Variants in ITPR1 observed in about 807,000 individuals in gnomAD.
ITPR1 encodes the protein inositol 1,4,5-trisphosphate-gated calcium channel ITPR1.
ITPR1 carries 96 observed loss-of-function variants against 318.4 expected under a neutral mutation model. That is an observed-to-expected ratio of 0.30 (90% confidence interval 0.26 to 0.36). The LOEUF (loss-of-function observed/expected upper bound fraction) is 0.36. Ranked by LOEUF, ITPR1 falls within the 10% of genes least tolerant of loss-of-function variation. The pLI, the probability that ITPR1 is intolerant of heterozygous loss-of-function variation, is 1.00. For synonymous variants in ITPR1, 1,312 were observed against 1,289.9 expected (o/e 1.02, Z -0.37); for missense variants, 2,440 against 3,460.2 (o/e 0.71, Z 7.40).
intron 4 of ITPR1, among the ~76,000 whole-genome samples, chr3:4,523,854 G>A (rs2082757280): frequency 6.6e-6 from 1 of 152,196 alleles, no homozygotes; most frequent in African/African-American, 2.4e-5. Context: ...GGTGCCTGGT[G>A]CTTGGATGTA....
chr3:4,731,605 CATCCCA>C (rs1362981210), intron 42 of ITPR1, among the ~76,000 whole-genome samples: 1 of 152,136 alleles, frequency 6.6e-6, no homozygotes, highest in Admixed American at 6.5e-5. Flanking sequence ...CTGTTTATCC[CATCCCA>C]ATCTGTCCCT....
At chr3:4,835,690 CCT>C (rs1452265241) in intron 60 of ITPR1, among the ~76,000 whole-genome samples, 1 of 152,142 alleles carries the variant, frequency 6.6e-6, no homozygotes. Context: ...TTTTCTTCCC[CCT>C]GTCTCATGCT....
intron 60 of ITPR1, among the ~76,000 whole-genome samples, chr3:4,823,845 AAC>A (rs2049886244): frequency 6.6e-6 from 1 of 152,210 alleles, no homozygotes. Flanking sequence ...ATATACATGT[AAC>A]ACAATTTCAT....
At chr3:4,633,302 T>A (rs1218395868) in intron 5 of ITPR1, among the ~76,000 whole-genome samples, 1 of 152,190 alleles carries the variant, frequency 6.6e-6, no homozygotes, top group East Asian at 1.9e-4. Flanking sequence ...TAGCTGGAAC[T>A]TTTCCCCCTA....
At chr3:4,730,869 G>T (rs956326092) in intron 42 of ITPR1, among the ~76,000 whole-genome samples, 1 of 152,056 alleles carries the variant, frequency 6.6e-6, no homozygotes, top group Non-Finnish European at 1.5e-5. Context: ...TCAGATTCCC[G>T]TTGCGATGGC....
intron 55 of ITPR1, among the ~76,000 whole-genome samples, chr3:4,808,483 C>T (rs1270980207): frequency 1.3e-5 from 2 of 152,224 alleles, no homozygotes. Context: ...TAACTCTCAG[C>T]TTCTGATCAT....
intron 4 of ITPR1, among the ~76,000 whole-genome samples, chr3:4,602,403 C>T (rs1472429409): frequency 1.3e-5 from 2 of 151,890 alleles, no homozygotes; most frequent in Non-Finnish European, 2.9e-5. Flanking sequence ...TGGTGTGCAC[C>T]TGTAGTCCCA....
At chr3:4,772,560 C>T (rs1278020104) in intron 46 of ITPR1, among the ~76,000 whole-genome samples, 1 of 152,206 alleles carries the variant, frequency 6.6e-6, no homozygotes, top group Non-Finnish European at 1.5e-5. Flanking sequence ...TTGCTTTTCC[C>T]CTGGGGTAAT....
intron 60 of ITPR1, among the ~76,000 whole-genome samples, chr3:4,829,849 T>C (rs2050327626): frequency 6.8e-6 from 1 of 147,908 alleles, no homozygotes; most frequent in Non-Finnish European, 1.5e-5. Flanking sequence ...ACCTCCTATT[T>C]ATCACTCCCT....
At chr3:4,687,639 C>T (rs1036516398) in intron 30 of ITPR1, among the ~76,000 whole-genome samples, 3 of 152,124 alleles carry the variant, frequency 2.0e-5, no homozygotes, top group African/African-American at 4.8e-5. Context: ...TGTTTTTACT[C>T]TCTTAAATGT....
In ITPR1 at chr3:4,755,056, G is replaced by A. The variant is rs147237230; in HGVS notation, c.5545-11474G>A. On this transcript the variant is annotated intron_variant, in intron 44 of 61. Coordinates refer to ENST00000649015, the MANE Select transcript of ITPR1 (RefSeq NM_001378452.1). Reference sequence around the variant, plus strand: ...GGTCAGAGCCACAGGGTCCTCCAGGGTGGTGGCTGACCTGCTTCTCTGAAA... The same window carrying A: ...GGTCAGAGCCACAGGGTCCTCCAGGATGGTGGCTGACCTGCTTCTCTGAAA... Among the ~76,000 whole-genome samples, 1,312 of 152,318 alleles carry A rather than the reference G, an allele frequency of 8.6e-3. 6 individuals are homozygous for A. Among genetic ancestry groups the A allele is most frequent in the Middle Eastern group, 0.014 (4 of 294 alleles).
At chr3:4,678,105 G>A (rs947901957) in intron 24 of ITPR1, among the ~76,000 whole-genome samples, 4 of 152,006 alleles carry the variant, frequency 2.6e-5, no homozygotes, top group African/African-American at 9.7e-5. Flanking sequence ...TTTAAGATCT[G>A]GGGGTTTTAT....
chr3:4,705,658 G>C (rs776266196), intron 36 of ITPR1, among the ~76,000 whole-genome samples: 2 of 152,176 alleles, frequency 1.3e-5, no homozygotes, highest in Non-Finnish European at 2.9e-5. Flanking sequence ...TTAGACTGGA[G>C]TTCTCCTTTT....
intron 6 of ITPR1, among the ~76,000 whole-genome samples, 193 bp from the exon 7 acceptor site, chr3:4,641,900 C>T (rs886543253): frequency 6.6e-6 from 1 of 152,206 alleles, no homozygotes; most frequent in Admixed American, 6.5e-5. Context: ...GTATTCTGCC[C>T]TCTCTTTCTG....
intron 42 of ITPR1, among the ~76,000 whole-genome samples, chr3:4,730,944 A>G (rs939093843): frequency 3.9e-5 from 6 of 152,174 alleles, no homozygotes; most frequent in African/African-American, 1.4e-4. Context: ...CGCTCAAACA[A>G]TGTTCTCACA....
intron 4 of ITPR1, among the ~76,000 whole-genome samples, chr3:4,576,659 C>T (rs1236395849): frequency 2.6e-5 from 4 of 152,166 alleles, no homozygotes; most frequent in Non-Finnish European, 4.4e-5. Flanking sequence ...CAATGGAGCC[C>T]GTTATCCGTG....
intron 4 of ITPR1, 66 bp downstream of exon 4, chr3:4,521,160 GGTGT>G: frequency 3.7e-6 from 4 of 1,067,736 alleles, no homozygotes; most frequent in Non-Finnish European, 5.8e-6. Context: ...GTGTGTTGTT[GGTGT>G]GTGTGTGTGT....
At chr3:4,543,203 A>C (rs1263995923) in intron 4 of ITPR1, among the ~76,000 whole-genome samples, 1 of 151,802 alleles carries the variant, frequency 6.6e-6, no homozygotes, top group East Asian at 1.9e-4. Context: ...CCAAGGCTGC[A>C]GTGAGCTGTG....
rs370836692 is a variant in ITPR1, at chr3:4,753,844, C to G, written c.5545-12686C>G. On this transcript the variant is annotated intron_variant, in intron 44 of 61. Transcript: ENST00000649015. ...GTGCGGGCTCTCACCTGTTTTCTCTCCTGCACTCCTTGCAATAGAATCTCA... is the reference window on the plus strand; with the variant it reads ...GTGCGGGCTCTCACCTGTTTTCTCTGCTGCACTCCTTGCAATAGAATCTCA... 1.2e-4 allele frequency among the ~76,000 whole-genome samples: 18 copies of G among 152,132 alleles called. No individual in the cohort carries two copies. The South Asian group carries it at 3.5e-3, about 30-fold the overall frequency.
Sources: allele counts gnomAD v4.1 joint callset (sites outside exome capture counted in the v4.1 genomes callset), GRCh38; gene constraint gnomAD v4.1.1; transcripts MANE v1.5; gene names NCBI Gene and HGNC (gene_info 2026-07-23, HGNC 2026-07-21).